Variants in MAD1L1 observed in about 807,000 individuals in gnomAD.
The protein encoded by MAD1L1 is mitotic arrest deficient 1 like 1.
Under a neutral mutation model 96.9 loss-of-function variants are expected in MAD1L1, and 95 were observed. The ratio of observed to expected loss-of-function variants is 0.98; its 90% CI spans 0.83 to 1.16. The LOEUF (loss-of-function observed/expected upper bound fraction) is 1.16. Ranked by LOEUF, MAD1L1 falls within the 50% of genes most tolerant of loss-of-function variation. The pLI, the probability that MAD1L1 is intolerant of heterozygous loss-of-function variation, is 0.00. For synonymous variants in MAD1L1, 473 were observed against 396.6 expected (o/e 1.19, Z -2.29); for missense variants, 1,007 against 954.4 (o/e 1.06, Z -0.73).
intron 10 of MAD1L1, chr7:2,201,872 G>A (rs1792322817): frequency 6.6e-6 from 1 of 152,336 alleles, no homozygotes; most frequent in Non-Finnish European, 1.5e-5. Context: ...CCCAAGGGCG[G>A]CGTGAGCCTG....
intron 3 of MAD1L1, among the ~76,000 whole-genome samples, chr7:2,226,117 G>A (rs182664480): frequency 3.3e-5 from 5 of 152,316 alleles, no homozygotes; most frequent in Admixed American, 2.0e-4. Context: ...GGCCTCGGAC[G>A]TCTGGACTCA....
At chr7:1,838,248 G>A (rs1783042349) in intron 18 of MAD1L1, among the ~76,000 whole-genome samples, 1 of 152,226 alleles carries the variant, frequency 6.6e-6, no homozygotes, top group Non-Finnish European at 1.5e-5. Flanking sequence ...GGGGAGGACG[G>A]GGAGAAGCTG....
intron 4 of MAD1L1, among the ~76,000 whole-genome samples, chr7:2,224,554 C>T (rs1248123664): frequency 1.3e-5 from 2 of 152,180 alleles, no homozygotes; most frequent in Non-Finnish European, 2.9e-5. Flanking sequence ...CCCCGGAAGA[C>T]GTGAGCTATT....
chr7:2,149,074 G>A, intron 11 of MAD1L1, 78 bp downstream of exon 11: 1 of 1,293,460 alleles, frequency 7.7e-7, no homozygotes, highest in Non-Finnish European at 1.1e-6. Flanking sequence ...CCAAGAGCCA[G>A]GGGGCACACA....
At position 1,939,062 on chromosome 7, in the gene MAD1L1, ACG is replaced by A. The variant is rs375698702; in HGVS notation, c.1597-2167_1597-2166del. On this transcript the variant is annotated intron_variant, in intron 16 of 18. Transcript: ENST00000265854. ...GGGCCAGAGGCACACACACACACAC[ACG>A]GGCCAGAGCCGGGACCAGAGGCGCG... Among the ~76,000 whole-genome samples, 153 of 101,820 alleles carry A rather than the reference ACG, an allele frequency of 1.5e-3. 3 individuals are homozygous for A. The highest frequency in any genetic ancestry group is 5.9e-3 in the African/African-American group (144 of 24,402). The allele number at this position is 101,820 out of a possible 152,430, so 66.8% of individuals were successfully genotyped here.
chr7:2,207,545 T>C (rs1306665005), intron 10 of MAD1L1, among the ~76,000 whole-genome samples: 1 of 152,218 alleles, frequency 6.6e-6, no homozygotes. Context: ...GGTTCAGAGC[T>C]GCACACACAG....
At chr7:1,836,727 G>C (rs1258421793) in intron 18 of MAD1L1, among the ~76,000 whole-genome samples, 1 of 152,086 alleles carries the variant, frequency 6.6e-6, no homozygotes, top group Non-Finnish European at 1.5e-5. Context: ...AAAAAAGAAT[G>C]ATCTTGATGC....
At chr7:1,864,475 C>G (rs976091217) in intron 18 of MAD1L1, among the ~76,000 whole-genome samples, 13 of 152,228 alleles carry the variant, frequency 8.5e-5, no homozygotes, top group African/African-American at 2.9e-4. Context: ...GGCTTCTGAA[C>G]ACCCCCCTGC....
At chr7:2,072,774 G>C (rs532351582) in intron 11 of MAD1L1, among the ~76,000 whole-genome samples, 1 of 152,344 alleles carries the variant, frequency 6.6e-6, no homozygotes, top group East Asian at 1.9e-4. Context: ...AAGGGTAAGG[G>C]GCTGCGCTGG....
intron 16 of MAD1L1, among the ~76,000 whole-genome samples, chr7:1,942,080 C>T (rs1421987562): frequency 6.6e-6 from 1 of 152,170 alleles, no homozygotes; most frequent in Non-Finnish European, 1.5e-5. Context: ...TCCTGCCATC[C>T]TTCCTTTCTT....
chr7:1,970,923 C>T (rs1780374963), intron 15 of MAD1L1, among the ~76,000 whole-genome samples: 1 of 152,186 alleles, frequency 6.6e-6, no homozygotes, highest in Non-Finnish European at 1.5e-5. Flanking sequence ...CCTTGGTACT[C>T]GCCGACCATG....
At chr7:1,837,172 A>G (rs1261394529) in intron 18 of MAD1L1, among the ~76,000 whole-genome samples, 1 of 152,254 alleles carries the variant, frequency 6.6e-6, no homozygotes, top group Non-Finnish European at 1.5e-5. Flanking sequence ...CAGGCACTTC[A>G]GCGAAGACCA....
intron 12 of MAD1L1, among the ~76,000 whole-genome samples, chr7:2,057,030 C>T (rs1784414547): frequency 6.6e-6 from 1 of 152,254 alleles, no homozygotes; most frequent in South Asian, 2.1e-4. Context: ...GGCGCCTGTT[C>T]ACCGGCTTCC....
At chr7:1,900,338 T>C (rs1431178265) in intron 17 of MAD1L1, among the ~76,000 whole-genome samples, 1 of 152,198 alleles carries the variant, frequency 6.6e-6, no homozygotes, top group Non-Finnish European at 1.5e-5. Context: ...ATGGGGCCTG[T>C]ACAACCGCAG....
At chr7:2,182,351 T>C (rs1054473086) in intron 10 of MAD1L1, among the ~76,000 whole-genome samples, 1 of 151,594 alleles carries the variant, frequency 6.6e-6, no homozygotes, top group Non-Finnish European at 1.5e-5. Context: ...ATAATAAGGG[T>C]TAAAAATTCA....
chr7:1,957,421 C>T (rs931350864), intron 16 of MAD1L1, among the ~76,000 whole-genome samples: 1 of 152,206 alleles, frequency 6.6e-6, no homozygotes, highest in Non-Finnish European at 1.5e-5. Flanking sequence ...TGGTGCGGGC[C>T]GCAGAGGACT....
intron 11 of MAD1L1, among the ~76,000 whole-genome samples, chr7:2,090,495 C>T (rs545278439): frequency 3.7e-4 from 56 of 152,348 alleles, no homozygotes; most frequent in African/African-American, 1.2e-3. Context: ...AACGGTGTCA[C>T]GAACGGACCT....
At chr7:1,872,162 G>C (rs1397925100) in intron 18 of MAD1L1, among the ~76,000 whole-genome samples, 2 of 152,232 alleles carry the variant, frequency 1.3e-5, no homozygotes, top group African/African-American at 4.8e-5. Context: ...CAGAGAGGCT[G>C]ACACCTACCC....
intron 18 of MAD1L1, among the ~76,000 whole-genome samples, chr7:1,893,056 CAGGCCCAGG>C: frequency 6.6e-6 from 1 of 152,188 alleles, no homozygotes; most frequent in Non-Finnish European, 1.5e-5. Context: ...CTCCCCGCTC[CAGGCCCAGG>C]CAGAGTATGG....
Sources: gnomAD v4.1 joint callset for allele counts (sites outside exome capture counted in the v4.1 genomes callset) on GRCh38, gnomAD v4.1.1 for gene constraint, MANE v1.5 for transcripts, NCBI Gene and HGNC (gene_info 2026-07-23, HGNC 2026-07-21) for gene names.